The following TPRG1 variants were observed in gnomAD, a reference collection of about 807,000 sequenced individuals.
TPRG1 encodes tumor protein p63 regulated 1, also known as tumor protein p63-regulated gene 1 protein.
Under a neutral mutation model 29.3 loss-of-function variants are expected in TPRG1, and 29 were observed. The ratio of observed to expected loss-of-function variants is 0.99; its 90% CI spans 0.74 to 1.35. The LOEUF is 1.35. TPRG1 is among the 40% of genes most tolerant of loss of function. The pLI, the probability that TPRG1 is intolerant of heterozygous loss-of-function variation, is 0.00. For synonymous variants in TPRG1, 130 were observed against 116.8 expected (o/e 1.11, Z -0.73); for missense variants, 327 against 335.0 (o/e 0.98, Z 0.19).
intron 4 of TPRG1, among the ~76,000 whole-genome samples, chr3:189,050,963 C>G (rs765551103): frequency 4.6e-5 from 7 of 152,134 alleles, no homozygotes; most frequent in Non-Finnish European, 7.4e-5. Flanking sequence ...TATGACAAAC[C>G]CACAGCCAAC....
intron 4 of TPRG1, among the ~76,000 whole-genome samples, chr3:189,248,639 A>G (rs932172323): frequency 1.7e-4 from 26 of 151,340 alleles, no homozygotes; most frequent in African/African-American, 6.0e-4. Flanking sequence ...AGATTTTATT[A>G]TTATATTTCA....
intron 4 of TPRG1, among the ~76,000 whole-genome samples, chr3:189,072,779 A>G (rs1420897371): frequency 6.6e-6 from 1 of 152,110 alleles, no homozygotes; most frequent in Non-Finnish European, 1.5e-5. Context: ...TCGTCCATCC[A>G]TCCATCCATC....
chr3:189,069,206 G>A (rs1716659149), intron 4 of TPRG1, among the ~76,000 whole-genome samples: 1 of 152,082 alleles, frequency 6.6e-6, no homozygotes, highest in South Asian at 2.1e-4. Flanking sequence ...CAACAGCCTG[G>A]ATAAATCTTA....
At chr3:189,095,744 G>GTCAGGAA (rs1429627298), upstream of TPRG1, among the ~76,000 whole-genome samples, 2 of 152,296 alleles carry the variant, frequency 1.3e-5, no homozygotes, top group African/African-American at 4.8e-5. Flanking sequence ...CATTGCTCTT[G>GTCAGGAA]TCAGGAAGTG....
upstream of TPRG1, among the ~76,000 whole-genome samples, chr3:189,169,296 C>T (rs1012611594): frequency 6.6e-6 from 1 of 152,158 alleles, no homozygotes; most frequent in African/African-American, 2.4e-5. Context: ...TCCCATGTAG[C>T]TGGGATTACA....
intron 2 of TPRG1, among the ~76,000 whole-genome samples, chr3:189,130,973 G>A (rs999546142): frequency 2.6e-5 from 4 of 152,128 alleles, no homozygotes; most frequent in African/African-American, 9.7e-5. Context: ...ATTATGAGAT[G>A]TGTACTTTTT....
intron 4 of TPRG1, among the ~76,000 whole-genome samples, chr3:189,043,503 G>A (rs1050214093): frequency 2.6e-5 from 4 of 152,142 alleles, no homozygotes; most frequent in African/African-American, 9.7e-5. Flanking sequence ...GTGACATTAA[G>A]TGTTCTCTTT....
At chr3:189,078,059 C>CCTTCCTTCCTTT (rs1553899925) in intron 4 of TPRG1, among the ~76,000 whole-genome samples, 1 of 141,490 alleles carries the variant, frequency 7.1e-6, no homozygotes, top group African/African-American at 2.8e-5. Context: ...TTCCTTCCTT[C>CCTTCCTTCCTTT]CTTTCTCTCC....
chr3:189,305,853 C>T (rs1293158203), intron 4 of TPRG1, among the ~76,000 whole-genome samples: 1 of 152,222 alleles, frequency 6.6e-6, no homozygotes, highest in Non-Finnish European at 1.5e-5. Flanking sequence ...CCTTCCCCTG[C>T]CTCTGCCTCT....
chr3:189,122,532 G>A lies in TPRG1; in HGVS notation c.-743-4525G>A, dbSNP rs562495948. On this transcript the variant is annotated intron_variant, in intron 1 of 6. Transcript: ENST00000412373. ...TTTTTTTCCTAGAAGAGTATTTTGC[G>A]TAGCATGGGTATTAAAGGAGTCTTT... Among the ~76,000 whole-genome samples the A allele has an allele frequency of 1.2e-3, 183 of 152,270 alleles. 2 individuals carry two copies. The highest frequency in any genetic ancestry group is 4.3e-3 in the African/African-American group (177 of 41,554).
chr3:189,253,580 T>C (rs970795060), intron 4 of TPRG1, among the ~76,000 whole-genome samples: 1 of 152,216 alleles, frequency 6.6e-6, no homozygotes, highest in African/African-American at 2.4e-5. Context: ...TGTGTCTTTA[T>C]AGTCAAATGA....
At chr3:189,046,535 G>T (rs1714988499) in intron 4 of TPRG1, among the ~76,000 whole-genome samples, 3 of 152,176 alleles carry the variant, frequency 2.0e-5, no homozygotes, top group Admixed American at 1.3e-4. Context: ...GGGAAATACA[G>T]TGAAAGGGGA....
At chr3:189,049,556 C>G (rs1435569701) in intron 4 of TPRG1, among the ~76,000 whole-genome samples, 2 of 152,176 alleles carry the variant, frequency 1.3e-5, no homozygotes. Context: ...CGGTCCTTCC[C>G]TATCCACACA....
At chr3:189,033,416 G>A (rs1440732226) in intron 4 of TPRG1, among the ~76,000 whole-genome samples, 1 of 151,820 alleles carries the variant, frequency 6.6e-6, no homozygotes, top group Non-Finnish European at 1.5e-5. Context: ...TGAGTACCTG[G>A]GACAACAGGT....
rs80266449 is a variant in TPRG1, at chr3:189,263,720, G to A, written c.479+24811G>A. On this transcript the variant is annotated intron_variant, in intron 4 of 5. Coordinates refer to ENST00000345063, the MANE Select transcript of TPRG1 (RefSeq NM_198485.4). Reference sequence around the variant, plus strand: ...AGATAATACGCATAAATCACCTGGGGTTTCTTGGGGAATGGTATTATATAA... The same window carrying A: ...AGATAATACGCATAAATCACCTGGGATTTCTTGGGGAATGGTATTATATAA... Among the ~76,000 whole-genome samples, 157 of 152,280 alleles carry A rather than the reference G, an allele frequency of 1.0e-3. No individual in the cohort carries two copies. The East Asian group carries it at 0.029, about 28-fold the overall frequency.
intron 4 of TPRG1, among the ~76,000 whole-genome samples, chr3:189,031,290 T>TA (rs879452395): frequency 0.038 from 1,126 of 29,278 alleles, 10 homozygotes; most frequent in African/African-American, 0.05. Flanking sequence ...GACTCTGTCT[T>TA]AAAAAAAAAA....
chr3:189,198,225 A>C (rs1353948692), intron 1 of TPRG1, among the ~76,000 whole-genome samples: 1 of 152,022 alleles, frequency 6.6e-6, no homozygotes, highest in African/African-American at 2.4e-5. Flanking sequence ...AACATCCTCC[A>C]CCTACCCTCT....
intron 1 of TPRG1, among the ~76,000 whole-genome samples, chr3:189,190,512 A>G (rs1578739455): frequency 6.6e-6 from 1 of 152,194 alleles, no homozygotes; most frequent in Non-Finnish European, 1.5e-5. Flanking sequence ...GGGCAGCCTC[A>G]CTTTCTCTTT....
intron 1 of TPRG1, among the ~76,000 whole-genome samples, chr3:189,117,613 C>A (rs1721334223): frequency 6.6e-6 from 1 of 152,166 alleles, no homozygotes; most frequent in South Asian, 2.1e-4. Flanking sequence ...GGAGGGACCC[C>A]ATGGGAGGTA....
Sources: allele counts gnomAD v4.1 joint callset (sites outside exome capture counted in the v4.1 genomes callset), GRCh38; gene constraint gnomAD v4.1.1; transcripts MANE v1.5; gene names NCBI Gene and HGNC (gene_info 2026-07-23, HGNC 2026-07-21).